The following APMAP variants were observed in gnomAD, a reference collection of about 807,000 sequenced individuals.
APMAP encodes the protein adipocyte plasma membrane associated protein.
APMAP carries 33 observed loss-of-function variants against 43.6 expected under a neutral mutation model. The observed-to-expected ratio is 0.76, with a 90% CI of 0.57 to 1.01. APMAP has a LOEUF of 1.01. APMAP is among the 50% of genes least tolerant of loss of function. The pLI is 0.00. For missense variants in APMAP, 498 were observed against 540.7 expected (o/e 0.92, Z 0.78); for synonymous variants, 224 against 216.7 (o/e 1.03, Z -0.30).
intron 1 of APMAP, 149 bp from the exon 2 acceptor site, chr20:24,984,168 T>C: frequency 1.7e-6 from 1 of 587,990 alleles, no homozygotes; most frequent in Non-Finnish European, 3.0e-6. Flanking sequence ...GATTAAACTC[T>C]AGCACTATTT....
intron 7 of APMAP, 36 bp from the exon 8 acceptor site, chr20:24,969,120 C>T (rs1288771130): frequency 6.5e-7 from 1 of 1,528,096 alleles, no homozygotes; most frequent in African/African-American, 1.4e-5. Flanking sequence ...TGAACCATAG[C>T]CCCTCAATTT....
At position 24,970,328 on chromosome 20, in the gene APMAP, C is replaced by T. The variant is rs767001940; in HGVS notation, c.582G>A (p.Gly194=). The change falls in exon 6 of 9, where the codon GGG becomes GGA. Residue 194 remains glycine, a synonymous_variant. Coordinates refer to ENST00000217456, the MANE Select transcript of APMAP (RefSeq NM_020531.3). ...LLLSSETPIE[G]KNMSFVNDLT... is the part of the protein sequence containing the mutation. ...GATCATTCACAAAGGACATGTTCTTCCCCTCAATGGGTGTCTCGGAGGACA... is the reference window on the plus strand; with the variant it reads ...GATCATTCACAAAGGACATGTTCTTTCCCTCAATGGGTGTCTCGGAGGACA... 5 of 1,613,754 alleles carry T rather than the reference C, an allele frequency of 3.1e-6. No homozygotes were observed. Among genetic ancestry groups the T allele is most frequent in the Non-Finnish European group, 4.2e-6 (5 of 1,179,824 alleles).
At chr20:24,968,508 G>T (rs6050217) in intron 8 of APMAP, among the ~76,000 whole-genome samples, 26 of 152,280 alleles carry the variant, frequency 1.7e-4, no homozygotes, top group African/African-American at 6.3e-4. Flanking sequence ...GGCAGAGAGG[G>T]GGGTGGAGAG....
chr20:24,982,400 T>C (rs184240820), intron 2 of APMAP, among the ~76,000 whole-genome samples: 1 of 152,250 alleles, frequency 6.6e-6, no homozygotes, highest in Admixed American at 6.5e-5. Flanking sequence ...TTCCACTGCT[T>C]CTCTTCCTTT....
At chr20:24,983,080 A>G (rs1393169032) in intron 2 of APMAP, among the ~76,000 whole-genome samples, 1 of 152,198 alleles carries the variant, frequency 6.6e-6, no homozygotes, top group Non-Finnish European at 1.5e-5. Flanking sequence ...TCAGCTACAC[A>G]TGTCAATCTA....
chr20:24,985,832 GA>G (rs146668342), intron 1 of APMAP, among the ~76,000 whole-genome samples: 18,960 of 151,888 alleles, frequency 0.12, 1,535 homozygotes, highest in African/African-American at 0.22. Context: ...AGCATAGCAG[GA>G]AAAAAAACCA....
At chr20:24,985,765 T>C (rs976524084) in intron 1 of APMAP, among the ~76,000 whole-genome samples, 2 of 151,980 alleles carry the variant, frequency 1.3e-5, no homozygotes, top group Non-Finnish European at 2.9e-5. Context: ...TTGAACACAT[T>C]AGTAAAACTA....
At chr20:24,967,298 A>T (rs367616472) in intron 8 of APMAP, among the ~76,000 whole-genome samples, 18 of 152,186 alleles carry the variant, frequency 1.2e-4, no homozygotes, top group African/African-American at 4.3e-4. Flanking sequence ...CCGTCTCAAA[A>T]ACAAAAAACA....
intron 2 of APMAP, among the ~76,000 whole-genome samples, chr20:24,980,395 GCT>G (rs2088092227): frequency 1.3e-5 from 2 of 152,252 alleles, no homozygotes; most frequent in Non-Finnish European, 2.9e-5. Context: ...TTGGTGCCAT[GCT>G]ACGATGACAA....
Position 24,970,355 on chromosome 20 carries a change from C to T in APMAP, c.555G>A (p.Leu185=), listed in dbSNP as rs1235817344. 2 of 1,610,696 alleles carry T rather than the reference C, an allele frequency of 1.2e-6. No homozygotes were observed. The highest frequency in any genetic ancestry group is 1.7e-5 in the Admixed American group (1 of 59,590). The part of the protein sequence containing the change: ...VNPWKREVKL[L]LSSETPIEGK... ...CCTCAATGGGTGTCTCGGAGGACAG[C>T]AGCAGTTTCACTTCACCTGAAGTTT... is the stretch of plus-strand genomic sequence containing the variant. The change falls in exon 6 of 9, where the codon CTG becomes CTA. Residue 185 remains leucine (L), a synonymous_variant. Transcript: ENST00000217456.
chr20:24,992,279 C>T (rs1486862407), intron 1 of APMAP, among the ~76,000 whole-genome samples: 1 of 152,086 alleles, frequency 6.6e-6, no homozygotes, highest in Non-Finnish European at 1.5e-5. Context: ...AACCGCTATG[C>T]AGGGTGGGGC....
intron 4 of APMAP, 68 bp downstream of exon 4, chr20:24,973,577 C>T: frequency 1.4e-6 from 2 of 1,475,482 alleles, no homozygotes; most frequent in South Asian, 1.2e-5. Context: ...AAAAGCAGTT[C>T]CACACAACGA....
In APMAP at chr20:24,992,683, G is replaced by T; in HGVS notation, c.6C>A (p.Ser2Arg). The T allele has an allele frequency of 6.5e-7, 1 of 1,527,836 alleles. No individual in the cohort carries two copies. The highest frequency in any genetic ancestry group is 8.8e-7 in the Non-Finnish European group (1 of 1,138,012). The allele number at this position is 1,527,836 out of a possible 1,614,324, so 94.6% of individuals were successfully genotyped here. A position where few individuals can be genotyped will look rare whatever the true frequency, so the allele number is the denominator to read the frequency against. The part of the protein sequence containing the change: M[S>R]EADGLRQRRP... ...GGCGCTGTCGCAGCCCGTCCGCCTCGCTCATGGTACGGGCGCCAGCCTCAC... is the reference window on the plus strand; with the variant it reads ...GGCGCTGTCGCAGCCCGTCCGCCTCTCTCATGGTACGGGCGCCAGCCTCAC... The change falls in exon 1 of 9, where the codon AGC becomes AGA. Residue 2 changes from serine (S) to arginine (R), a missense_variant. Coordinates refer to ENST00000217456, the MANE Select transcript of APMAP (RefSeq NM_020531.3).
At chr20:24,988,183 T>A (rs1469497394) in intron 1 of APMAP, among the ~76,000 whole-genome samples, 1 of 152,194 alleles carries the variant, frequency 6.6e-6, no homozygotes, top group Non-Finnish European at 1.5e-5. Context: ...CTCATGACCT[T>A]CATTATAAAC....
At chr20:24,985,799 T>C (rs2088142183) in intron 1 of APMAP, among the ~76,000 whole-genome samples, 1 of 151,922 alleles carries the variant, frequency 6.6e-6, no homozygotes, top group African/African-American at 2.4e-5. Context: ...ACTCTACTTG[T>C]GAGGTCTCAG....
rs1378214115 is a variant in APMAP, at chr20:24,971,495, G to C, written c.503C>G (p.Ala168Gly). 6.2e-7 allele frequency: 1 copy of C among 1,614,170 alleles called. No individual in the cohort carries two copies. Among genetic ancestry groups the C allele is most frequent in the East Asian group, 2.2e-5 (1 of 44,884 alleles). Residue 168 changes from alanine to glycine, a missense_variant, in exon 5 of 9, where the codon GCA (alanine) becomes GGA (glycine). Ala to Gly is a moderately conservative substitution (Grantham distance 60). Coordinates refer to ENST00000217456, the MANE Select transcript of APMAP (RefSeq NM_020531.3). ...GPNGTLFVADAYKGLFEVNPW... is the reference protein window; with the variant it reads ...GPNGTLFVADGYKGLFEVNPW... ...ATTTACTTCAAATAGTCCCTTGTAT[G>C]CATCGGCCACAAAGAGAGTCCCATT...
intron 1 of APMAP, among the ~76,000 whole-genome samples, chr20:24,991,590 C>A (rs770242968): frequency 6.6e-6 from 1 of 152,208 alleles, no homozygotes; most frequent in Non-Finnish European, 1.5e-5. Context: ...TAAACTCAGT[C>A]TACAGGGGCA....
chr20:24,986,359 A>G (rs1184409872), intron 1 of APMAP, among the ~76,000 whole-genome samples: 1 of 152,136 alleles, frequency 6.6e-6, no homozygotes, highest in Non-Finnish European at 1.5e-5. Flanking sequence ...AACACAAACA[A>G]AATGCCACAG....
In APMAP at chr20:24,978,663, C is replaced by T. The variant is rs150149868; in HGVS notation, c.328+104G>A. On this transcript the variant is annotated intron_variant, in intron 3 of 8. Transcript: ENST00000217456. Reference sequence around the variant, plus strand: ...CGCAGCTAAGAAGGATGTGCAGGGCCCCAGTCCAGGGGCAGCGTGCCACTG... The same window carrying T: ...CGCAGCTAAGAAGGATGTGCAGGGCTCCAGTCCAGGGGCAGCGTGCCACTG... 6.5e-3 allele frequency: 5,873 copies of T among 899,310 alleles called. 47 individuals are homozygous for T. The highest frequency in any genetic ancestry group is 0.017 in the Middle Eastern group (49 of 2,876). 55.7% of individuals were successfully genotyped at this position (899,310 alleles called of 1,614,324 possible). A position where few individuals can be genotyped will look rare whatever the true frequency, so the allele number is the denominator to read the frequency against.
Sources: gnomAD v4.1 joint callset for allele counts (sites outside exome capture counted in the v4.1 genomes callset) on GRCh38, gnomAD v4.1.1 for gene constraint, MANE v1.5 for transcripts, NCBI Gene and HGNC (gene_info 2026-07-23, HGNC 2026-07-21) for gene names.